The following COL5A2 variants were observed in gnomAD, a reference collection of about 807,000 sequenced individuals.
COL5A2 encodes collagen type V alpha 2 chain, also known as collagen alpha-2(V) chain.
A neutral mutation model predicts 208.2 loss-of-function variants in COL5A2; 23 were observed. That is an observed-to-expected ratio of 0.11 (90% CI 0.08 to 0.16). COL5A2 has a LOEUF of 0.16. Ranked by LOEUF, COL5A2 falls within the 10% of genes least tolerant of loss-of-function variation. The pLI, the probability that COL5A2 is intolerant of heterozygous loss-of-function variation, is 1.00. For missense variants in COL5A2, 1,590 were observed against 1,956.4 expected (o/e 0.81, Z 3.53); for synonymous variants, 625 against 628.5 (o/e 0.99, Z 0.08).
chr2:189,293,701 G>A, the COL5A2 span, among the ~76,000 whole-genome samples: 1 of 152,150 alleles, frequency 6.6e-6, no homozygotes, highest in Non-Finnish European at 1.5e-5. Context: ...GAACCCATAA[G>A]CCAGTCCTCA....
rs886055352 is a variant in COL5A2 at position 189,033,669 on chromosome 2, T to G, written c.*401A>C. ...GCAGCCAAGCAAAATAAACATGTGT[T>G]GTGGCTCTATATACCCCACTCTTTA... is the stretch of plus-strand genomic sequence containing the variant. On this transcript the variant is annotated 3_prime_UTR_variant, in exon 54 of 54. Coordinates refer to ENST00000374866, the MANE Select transcript of COL5A2 (RefSeq NM_000393.5). 5.9e-5 allele frequency: 12 copies of G among 204,954 alleles called. No homozygotes were observed. The highest frequency in any genetic ancestry group is 9.1e-5 in the Non-Finnish European group (9 of 98,846). 12.7% of individuals were successfully genotyped at this position (204,954 alleles called of 1,614,324 possible).
chr2:189,384,716 T>C, the COL5A2 span, among the ~76,000 whole-genome samples: 1 of 152,196 alleles, frequency 6.6e-6, no homozygotes, highest in Non-Finnish European at 1.5e-5. Flanking sequence ...AATTTGTTGA[T>C]TGTTTCCTTT....
chr2:189,391,939 T>C, the COL5A2 span, among the ~76,000 whole-genome samples: 5 of 152,114 alleles, frequency 3.3e-5, no homozygotes, highest in Admixed American at 3.3e-4. Flanking sequence ...CATATTGAAA[T>C]GGTGTTTCTA....
upstream of COL5A2, among the ~76,000 whole-genome samples, chr2:189,184,176 T>C (rs1414372248): frequency 6.6e-6 from 1 of 151,870 alleles, no homozygotes; most frequent in Non-Finnish European, 1.5e-5. Context: ...TATTTAAGAG[T>C]TGCTCAGGAG....
the COL5A2 span, among the ~76,000 whole-genome samples, chr2:189,258,523 G>C: frequency 1.6e-3 from 237 of 152,262 alleles, no homozygotes; most frequent in African/African-American, 5.2e-3. Context: ...TCAGTAAAAA[G>C]TGAAAGTGTT....
intron 47 of COL5A2, among the ~76,000 whole-genome samples, chr2:189,043,804 T>A (rs1032355956): frequency 6.6e-6 from 1 of 152,220 alleles, no homozygotes. Context: ...TTAAGCCACT[T>A]TCCTCTAAAG....
intron 1 of COL5A2, among the ~76,000 whole-genome samples, chr2:189,142,760 T>C (rs1687958407): frequency 6.6e-6 from 1 of 152,132 alleles, no homozygotes; most frequent in African/African-American, 2.4e-5. Context: ...TTGTGTCACC[T>C]TTCTCAAACC....
chr2:189,266,369 T>C, the COL5A2 span, among the ~76,000 whole-genome samples: 1 of 151,262 alleles, frequency 6.6e-6, no homozygotes. Context: ...GAGGTTACAG[T>C]GAGCCGAGAT....
chr2:189,092,353 G>A lies in COL5A2; in HGVS notation c.524C>T (p.Pro175Leu). The change falls in exon 7 of 54, where the codon CCT becomes CTT. Residue 175 changes from proline (P) to leucine (L), a missense_variant. By Grantham distance (98) the Pro-to-Leu change is moderately conservative. Coordinates refer to ENST00000374866, the MANE Select transcript of COL5A2 (RefSeq NM_000393.5). Reference protein sequence around the residue: ...GVPGQPGAPGPPGHPSHPGPD... With the variant: ...GVPGQPGAPGLPGHPSHPGPD... ...TCCTGGGTGGGACGGATGTCCAGGA[G>A]GTCCTGGAGCACCAGGTTGACCAGG... 5.6e-6 allele frequency: 9 copies of A among 1,610,022 alleles called. No individual in the cohort carries two copies. The highest frequency in any genetic ancestry group is 1.1e-5 in the South Asian group (1 of 89,914).
At chr2:189,125,610 C>T (rs1184089340) in intron 1 of COL5A2, among the ~76,000 whole-genome samples, 2 of 152,062 alleles carry the variant, frequency 1.3e-5, no homozygotes, top group Non-Finnish European at 2.9e-5. Context: ...AATATATTTT[C>T]CCTTCCATAT....
chr2:189,143,818 G>C (rs1424134293), intron 1 of COL5A2, among the ~76,000 whole-genome samples: 5 of 152,026 alleles, frequency 3.3e-5, no homozygotes, highest in African/African-American at 4.8e-5. Flanking sequence ...AAAGGAGTAA[G>C]ATATTACTAG....
the COL5A2 span, among the ~76,000 whole-genome samples, chr2:189,260,768 AC>A: frequency 6.6e-6 from 1 of 152,358 alleles, no homozygotes; most frequent in Non-Finnish European, 1.5e-5. Flanking sequence ...AAGGGAAATT[AC>A]ATTACAGTAG....
At chr2:189,250,809 C>T in the COL5A2 span, among the ~76,000 whole-genome samples, 1 of 152,112 alleles carries the variant, frequency 6.6e-6, no homozygotes, top group East Asian at 1.9e-4. Flanking sequence ...ATACCACAAC[C>T]CTACTCCCCC....
In COL5A2 at chr2:189,036,734, G is replaced by A. The variant is rs759844589; in HGVS notation, c.3995C>T (p.Thr1332Ile). Residue 1332 changes from threonine to isoleucine, a missense_variant, in exon 52 of 54, where the codon ACA becomes ATA. Thr to Ile is a moderately conservative substitution (Grantham distance 89). Coordinates refer to ENST00000374866, the MANE Select transcript of COL5A2 (RefSeq NM_000393.5). ...DAIKVYCNME[T>I]GETCISANPS... ...GTTTGCTGAAATACATGTTTCTCCT[G>A]TTTCCATGTTGCAGTAAACTTTGAT... The A allele has an allele frequency of 1.2e-6, 2 of 1,613,536 alleles. No homozygotes were observed. The highest frequency in any genetic ancestry group is 1.6e-4 in the Middle Eastern group (1 of 6,062).
chr2:189,175,430 A>C lies in COL5A2; in HGVS notation c.97+4078T>G, dbSNP rs563195923. On this transcript the variant is annotated intron_variant, in intron 1 of 53. Transcript: ENST00000374866. The stretch of plus-strand genomic sequence containing the variant: ...TAAATTTAAAAAAAAATACCTAGAG[A>C]TATGGGAGCCAGGAGAGGTAGAAAA... Among the ~76,000 whole-genome samples, 8 of 152,094 alleles carry C rather than the reference A, an allele frequency of 5.3e-5. No individual in the cohort carries two copies. The South Asian group carries it at 1.7e-3, about 32-fold the overall frequency.
intron 6 of COL5A2, 40 bp downstream of exon 6, chr2:189,097,237 G>T: frequency 6.3e-7 from 1 of 1,598,162 alleles, no homozygotes; most frequent in Non-Finnish European, 8.6e-7. Flanking sequence ...TAAACTGACT[G>T]GCTGTACGTT....
the COL5A2 span, among the ~76,000 whole-genome samples, chr2:189,269,406 C>A: frequency 6.6e-6 from 1 of 152,084 alleles, no homozygotes; most frequent in Non-Finnish European, 1.5e-5. Flanking sequence ...TTTTGAGATA[C>A]ATTCCAACAA....
intron 16 of COL5A2, among the ~76,000 whole-genome samples, chr2:189,076,627 G>C (rs1686410966): frequency 6.6e-6 from 1 of 152,148 alleles, no homozygotes; most frequent in Non-Finnish European, 1.5e-5. Flanking sequence ...AGAAGAAAAA[G>C]CTGAATATCA....
In COL5A2 at chr2:189,066,474, C is replaced by G. The variant is rs752649242; in HGVS notation, c.1479G>C (p.Pro493=). Residue 493 remains proline (P), a synonymous_variant, in exon 23 of 54, where the codon CCG becomes CCC. Transcript: ENST00000374866. ...TGCCTTCTTCACCGGGTGGGCCTAT[C>G]GGACCCTGAATACCATGTGGCCCCT... is the stretch of plus-strand genomic sequence containing the variant. The part of the protein sequence containing the change: ...GEPGPHGIQG[P]IGPPGEEGKR... 1.2e-6 allele frequency: 2 copies of G among 1,614,108 alleles called. No homozygotes were observed. Among genetic ancestry groups the G allele is most frequent in the South Asian group, 2.2e-5 (2 of 91,066 alleles).
Sources: gnomAD v4.1 joint callset for allele counts (sites outside exome capture counted in the v4.1 genomes callset) on GRCh38, gnomAD v4.1.1 for gene constraint, MANE v1.5 for transcripts, NCBI Gene and HGNC (gene_info 2026-07-23, HGNC 2026-07-21) for gene names.